Variants in TRAPPC9 observed in about 807,000 individuals in gnomAD.
TRAPPC9 encodes the protein IKK2 binding protein.
TRAPPC9 carries 83 observed loss-of-function variants against 124.0 expected under a neutral mutation model. The ratio of observed to expected loss-of-function variants is 0.67; its 90% CI spans 0.56 to 0.80. The LOEUF is 0.80. Ranked by LOEUF, TRAPPC9 falls within the 30% of genes least tolerant of loss-of-function variation. The probability of loss-of-function intolerance (pLI) is 0.00; values close to 1 mark genes in which losing one functional copy is unlikely to be tolerated. For synonymous variants in TRAPPC9, 638 were observed against 617.5 expected, an observed-to-expected ratio of 1.03 and a Z score of -0.49; for missense variants, 1,302 against 1,508.3, an observed-to-expected ratio of 0.86 and a Z score of 2.27.
At chr8:140,393,031 A>ATTTTTTTTT (rs869235393) in intron 7 of TRAPPC9, among the ~76,000 whole-genome samples, 1 of 141,878 alleles carries the variant, frequency 7.0e-6, no homozygotes, top group Non-Finnish European at 1.5e-5. Context: ...TTCCCATTTT[A>ATTTTTTTTT]TTTTTATTTT....
intron 21 of TRAPPC9, among the ~76,000 whole-genome samples, chr8:139,879,660 T>A (rs1291006853): frequency 6.6e-6 from 1 of 152,206 alleles, no homozygotes; most frequent in Non-Finnish European, 1.5e-5. Context: ...TCCCCTGTGT[T>A]GGCCCTGCTG....
At chr8:139,908,194 C>G (rs935354794) in intron 20 of TRAPPC9, among the ~76,000 whole-genome samples, 4 of 152,158 alleles carry the variant, frequency 2.6e-5, no homozygotes, top group African/African-American at 4.8e-5. Context: ...TGGCTTTTAT[C>G]TGAGCCCAAA....
At chr8:140,424,451 A>G (rs1257217107) in intron 5 of TRAPPC9, among the ~76,000 whole-genome samples, 2 of 152,046 alleles carry the variant, frequency 1.3e-5, no homozygotes, top group Admixed American at 1.3e-4. Context: ...GGGTCAACAC[A>G]GAGAGAGACT....
At chr8:140,273,845 G>A (rs1460630479) in intron 15 of TRAPPC9, among the ~76,000 whole-genome samples, 2 of 152,224 alleles carry the variant, frequency 1.3e-5, no homozygotes, top group Admixed American at 6.5e-5. Context: ...GTTTCACAGG[G>A]AATGGTTTTA....
intron 15 of TRAPPC9, among the ~76,000 whole-genome samples, chr8:140,258,015 C>T (rs1019870495): frequency 2.0e-5 from 3 of 152,210 alleles, no homozygotes; most frequent in Non-Finnish European, 4.4e-5. Context: ...AAAAAACACA[C>T]CAGTGGGCAA....
chr8:140,079,888 C>A (rs1235247732), intron 17 of TRAPPC9, among the ~76,000 whole-genome samples: 1 of 152,016 alleles, frequency 6.6e-6, no homozygotes, highest in Non-Finnish European at 1.5e-5. Context: ...CAAGATTGCA[C>A]CACTGCACTC....
chr8:140,105,397 C>T (rs1191295498), intron 17 of TRAPPC9, among the ~76,000 whole-genome samples: 2 of 152,308 alleles, frequency 1.3e-5, no homozygotes, highest in South Asian at 2.1e-4. Context: ...CTGGGCTGGT[C>T]GGATGGTTCC....
intron 21 of TRAPPC9, among the ~76,000 whole-genome samples, chr8:139,857,029 G>C (rs2130958349): frequency 6.6e-6 from 1 of 152,200 alleles, no homozygotes; most frequent in Admixed American, 6.5e-5. Context: ...GGACAGTCGG[G>C]ACGCCCTGGG....
intron 21 of TRAPPC9, among the ~76,000 whole-genome samples, chr8:139,846,242 C>T (rs1435647450): frequency 6.6e-6 from 1 of 152,248 alleles, no homozygotes; most frequent in Non-Finnish European, 1.5e-5. Context: ...CATGGCTCCC[C>T]ACTGAACCCG....
chr8:140,326,447 A>G (rs747277210), intron 9 of TRAPPC9, among the ~76,000 whole-genome samples: 3 of 152,170 alleles, frequency 2.0e-5, no homozygotes, highest in Non-Finnish European at 2.9e-5. Context: ...TCCCCCCACC[A>G]TGATCAAAGG....
intron 10 of TRAPPC9, among the ~76,000 whole-genome samples, chr8:140,308,085 A>G (rs1300870120): frequency 6.6e-6 from 1 of 152,124 alleles, no homozygotes; most frequent in East Asian, 1.9e-4. Context: ...AAAGATGACT[A>G]AGTGTCATCA....
intron 17 of TRAPPC9, among the ~76,000 whole-genome samples, chr8:140,128,994 T>TATATATATAC (rs2061150955): frequency 7.3e-6 from 1 of 136,164 alleles, no homozygotes; most frequent in South Asian, 2.2e-4. Flanking sequence ...TATACATATA[T>TATATATATAC]ATATATATAT....
chr8:140,130,243 A>G (rs2061181820), intron 17 of TRAPPC9, among the ~76,000 whole-genome samples: 1 of 147,544 alleles, frequency 6.8e-6, no homozygotes, highest in South Asian at 2.1e-4. Flanking sequence ...GAAGGCTGAT[A>G]AAGAACAGGA....
chr8:140,161,723 G>C (rs2061754539), intron 17 of TRAPPC9, among the ~76,000 whole-genome samples: 1 of 152,058 alleles, frequency 6.6e-6, no homozygotes, highest in African/African-American at 2.4e-5. Flanking sequence ...CTGCACAACT[G>C]TTCATTCCAG....
At chr8:139,758,586 G>A (rs1158205350) in intron 21 of TRAPPC9, among the ~76,000 whole-genome samples, 1 of 152,152 alleles carries the variant, frequency 6.6e-6, no homozygotes, top group Non-Finnish European at 1.5e-5. Context: ...GAAGCACCTC[G>A]TGGGTTCAGC....
At chr8:140,365,281 T>A (rs1297836808) in intron 8 of TRAPPC9, among the ~76,000 whole-genome samples, 2 of 152,038 alleles carry the variant, frequency 1.3e-5, no homozygotes, top group African/African-American at 4.8e-5. Flanking sequence ...ACGGCCAGCA[T>A]CCCACAGCTG....
intron 17 of TRAPPC9, among the ~76,000 whole-genome samples, chr8:140,148,782 A>T (rs531110446): frequency 6.6e-6 from 1 of 152,326 alleles, no homozygotes; most frequent in Non-Finnish European, 1.5e-5. Context: ...CATTTTGGGG[A>T]CTAGTAAGCT....
At chr8:140,116,622 T>C (rs577984808) in intron 17 of TRAPPC9, among the ~76,000 whole-genome samples, 4 of 152,296 alleles carry the variant, frequency 2.6e-5, no homozygotes, top group South Asian at 4.1e-4. Flanking sequence ...AGCACTAAAA[T>C]TGATTCATGA....
chr8:140,406,053 A>T (rs2069478141), intron 5 of TRAPPC9, among the ~76,000 whole-genome samples: 1 of 152,222 alleles, frequency 6.6e-6, no homozygotes, highest in South Asian at 2.1e-4. Context: ...TGTTAGCAAG[A>T]AACCACCCCG....
Sources: allele counts gnomAD v4.1 joint callset (sites outside exome capture counted in the v4.1 genomes callset), GRCh38; gene constraint gnomAD v4.1.1; transcripts MANE v1.5; gene names NCBI Gene and HGNC (gene_info 2026-07-23, HGNC 2026-07-21).